Variants in CAMTA2 observed in about 807,000 individuals in gnomAD.
CAMTA2 encodes the protein calmodulin binding transcription activator 2, also known as calmodulin-binding transcription activator 2.
In CAMTA2, 56 loss-of-function variants were observed where a neutral mutation model predicts 135.7. The ratio of observed to expected loss-of-function variants is 0.41; its 90% CI spans 0.33 to 0.52. CAMTA2 has a LOEUF of 0.52. Ranked by LOEUF, CAMTA2 falls within the 20% of genes least tolerant of loss-of-function variation. The pLI is 0.16. For synonymous variants in CAMTA2, 591 were observed against 604.6 expected (o/e 0.98, Z 0.33); for missense variants, 1,358 against 1,553.4 (o/e 0.87, Z 2.11).
chr17:4,983,236 CA>C (rs1306798575), intron 3 of CAMTA2, 193 bp from the exon 4 acceptor site: 2 of 572,368 alleles, frequency 3.5e-6, no homozygotes, highest in East Asian at 5.9e-5. Flanking sequence ...AAAAGTCTAA[CA>C]TTTTTTTGTG....
rs1022292520 is a variant in CAMTA2 at position 4,987,088 on chromosome 17, A to C, written c.-65+505T>G. 8.7e-6 allele frequency: 12 copies of C among 1,383,848 alleles called. No individual in the cohort carries two copies. The South Asian group carries it at 1.8e-4, about 21-fold the overall frequency. The allele number at this position is 1,383,848 out of a possible 1,614,324, so 85.7% of individuals were successfully genotyped here. A position where few individuals can be genotyped will look rare whatever the true frequency, so the allele number is the denominator to read the frequency against. ...GGGAGGAGGCCCGTCGGGCTCGGCT[A>C]TGTGCAGTGAAGCTGGGGTTGGGGT... On this transcript the variant is annotated intron_variant, in intron 1 of 22. Transcript: ENST00000348066.
rs1972412315 is a variant in CAMTA2, at chr17:4,973,207, G to A, written c.2248C>T (p.Leu750Phe). Residue 750 changes from leucine (L) to phenylalanine (F), a missense_variant, in exon 14 of 23, where the codon CTC becomes TTC. Physicochemically the swap from Leu to Phe is conservative, Grantham distance 22. Transcript: ENST00000348066. ...GTGCAAGAGAAATGATCCACGTTGA[G>A]CGGGTCAACCTCCTGCTCTAAGTCC... is the stretch of plus-strand genomic sequence containing the variant. ...SLDLEQEVDP[L>F]NVDHFSCTPL... The A allele has an allele frequency of 6.2e-7, 1 of 1,614,034 alleles. No homozygotes were observed.
chr17:4,981,522 G>A (rs146250693), intron 7 of CAMTA2, among the ~76,000 whole-genome samples, 156 bp downstream of exon 7: 2,591 of 152,284 alleles, frequency 0.017, 38 homozygotes, highest in Non-Finnish European at 0.027. Context: ...TCCTTTCTCC[G>A]TATTCTAATA....
chr17:4,982,937 G>C (rs1973052417), intron 4 of CAMTA2, 39 bp downstream of exon 4: 1 of 1,614,078 alleles, frequency 6.2e-7, no homozygotes, highest in Admixed American at 1.7e-5. Context: ...ACAGAACCCA[G>C]GACCCCTGCC....
At chr17:4,972,741 C>G (rs1462373234) in intron 15 of CAMTA2, 28 bp downstream of exon 15, 1 of 1,600,720 alleles carries the variant, frequency 6.2e-7, no homozygotes, top group South Asian at 1.1e-5. Flanking sequence ...CTACATCCCT[C>G]TCTCCAAAAG....
chr17:4,982,250 C>T, intron 5 of CAMTA2, 90 bp from the exon 6 acceptor site: 2 of 945,918 alleles, frequency 2.1e-6, no homozygotes, highest in Non-Finnish European at 3.5e-6. Context: ...CCCAATCTTT[C>T]CACCAGTTCC....
intron 11 of CAMTA2, among the ~76,000 whole-genome samples, chr17:4,976,796 C>T (rs1417264377): frequency 1.3e-5 from 2 of 152,078 alleles, no homozygotes; most frequent in East Asian, 1.9e-4. Flanking sequence ...TGCCTCTTAG[C>T]CTTCCTTGTC....
At chr17:4,974,709 C>G in intron 11 of CAMTA2, 1 of 510,930 alleles carries the variant, frequency 2.0e-6, no homozygotes. Context: ...ACCCACTGAT[C>G]TAGAACCCAG....
rs577577714 is a variant in CAMTA2, at chr17:4,987,294, G to A, written c.-65+299C>T. ...CCTCCGAGGTGGGAGGGTCCCGCCCGCATAGAGGGATGTTCTGGAGAAGCC... is the reference window on the plus strand; with the variant it reads ...CCTCCGAGGTGGGAGGGTCCCGCCCACATAGAGGGATGTTCTGGAGAAGCC... On this transcript the variant is annotated intron_variant, in intron 1 of 22. Coordinates refer to ENST00000348066, the MANE Select transcript of CAMTA2 (RefSeq NM_015099.4). The A allele has an allele frequency of 5.1e-5, 69 of 1,343,630 alleles. 2 individuals carry two copies. The Middle Eastern group carries it at 1.4e-3, about 27-fold the overall frequency. 83.2% of individuals were successfully genotyped at this position (1,343,630 alleles called of 1,614,324 possible). A position where few individuals can be genotyped will look rare whatever the true frequency, so the allele number is the denominator to read the frequency against.
At chr17:4,987,184 G>C in intron 1 of CAMTA2, 2 of 1,346,080 alleles carry the variant, frequency 1.5e-6, no homozygotes, top group Non-Finnish European at 1.9e-6. Context: ...AGCGGGAGCG[G>C]GTCCTTGGGC....
chr17:4,973,182 G>A lies in CAMTA2; in HGVS notation c.2273C>T (p.Thr758Ile), dbSNP rs1225431929. 1 of 1,613,216 alleles carries A rather than the reference G, an allele frequency of 6.2e-7. No homozygotes were observed. Among genetic ancestry groups the A allele is most frequent in the African/African-American group, 1.3e-5 (1 of 74,590 alleles). ...DPLNVDHFSC[T>I]PLMWACALGH... ...GGAATCCGTCATCCTCACCAGAGGG[G>A]TGCAAGAGAAATGATCCACGTTGAG... The change falls in exon 14 of 23, where the codon ACC becomes ATC. Residue 758 changes from threonine (T) to isoleucine (I), a missense_variant. Physicochemically the swap from Thr to Ile is moderately conservative, Grantham distance 89. Transcript: ENST00000348066.
At chr17:4,979,659 G>C in intron 9 of CAMTA2, 25 bp downstream of exon 9, 1 of 1,511,906 alleles carries the variant, frequency 6.6e-7, no homozygotes, top group Non-Finnish European at 9.1e-7. Flanking sequence ...GGAGGGAGGA[G>C]GGAGGAGGTA....
At chr17:4,981,893 A>G (rs1453232689) in intron 6 of CAMTA2, 62 bp from the exon 7 acceptor site, 6 of 1,498,174 alleles carry the variant, frequency 4.0e-6, no homozygotes. Context: ...TTGGCTTCCT[A>G]ATCCTCACTT....
At chr17:4,986,935 G>A in intron 1 of CAMTA2, 4 of 1,518,688 alleles carry the variant, frequency 2.6e-6, no homozygotes, top group Non-Finnish European at 3.5e-6. Flanking sequence ...GCCTCCCCTG[G>A]CCTCCAGGCC....
chr17:4,973,503 C>T (rs893892478), intron 13 of CAMTA2, 82 bp downstream of exon 13: 11 of 1,409,382 alleles, frequency 7.8e-6, no homozygotes, highest in African/African-American at 7.1e-5. Context: ...TGGTAGGGCC[C>T]CAGGTCCTCC....
rs973960666 is a variant in CAMTA2, at chr17:4,972,701, C to T, written c.2503+68G>A. The T allele has an allele frequency of 9.9e-6, 15 of 1,512,780 alleles. No homozygotes were observed. In the African/African-American group the frequency reaches 1.8e-4, roughly 18 times the overall value. 93.7% of individuals were successfully genotyped at this position (1,512,780 alleles called of 1,614,324 possible). A position where few individuals can be genotyped will look rare whatever the true frequency, so the allele number is the denominator to read the frequency against. The stretch of plus-strand genomic sequence containing the variant: ...TCCTCTCTTACTCGTTTCCCACACC[C>T]TTTGGCTTTGTCCTGGCCTATCCTC... On this transcript the variant is annotated intron_variant, in intron 15 of 22. Coordinates refer to ENST00000348066, the MANE Select transcript of CAMTA2 (RefSeq NM_015099.4).
intron 16 of CAMTA2, among the ~76,000 whole-genome samples, chr17:4,971,081 T>G (rs1972254585): frequency 1.3e-5 from 2 of 152,234 alleles, no homozygotes; most frequent in South Asian, 4.1e-4. Context: ...ACTTACTCCA[T>G]TAGTCTCTCT....
intron 11 of CAMTA2, 26 bp downstream of exon 11, chr17:4,977,032 T>C (rs1011046467): frequency 2.5e-6 from 4 of 1,613,080 alleles, no homozygotes; most frequent in Non-Finnish European, 3.4e-6. Context: ...GGCTGGATAC[T>C]TGGGTTCAGA....
At chr17:4,970,989 T>TA (rs550728792) in intron 16 of CAMTA2, among the ~76,000 whole-genome samples, 125 of 152,338 alleles carry the variant, frequency 8.2e-4, no homozygotes, top group Non-Finnish European at 1.4e-3. Flanking sequence ...CTGAAGCCTA[T>TA]ACTCCAGCAC....
Sources: allele counts gnomAD v4.1 joint callset (sites outside exome capture counted in the v4.1 genomes callset), GRCh38; gene constraint gnomAD v4.1.1; transcripts MANE v1.5; gene names NCBI Gene and HGNC (gene_info 2026-07-23, HGNC 2026-07-21).